The following CRB1 variants were observed in gnomAD, a reference collection of about 807,000 sequenced individuals.
CRB1 encodes the protein crumbs cell polarity complex component 1, also known as protein crumbs homolog 1.
CRB1 carries 83 observed loss-of-function variants against 120.0 expected under a neutral mutation model. The ratio of observed to expected loss-of-function variants is 0.69; its 90% CI spans 0.58 to 0.83. CRB1 has a LOEUF of 0.83. Ranked by LOEUF, CRB1 falls within the 40% of genes least tolerant of loss-of-function variation. The pLI is 0.00. For synonymous variants in CRB1, 625 were observed against 612.5 expected (o/e 1.02, Z -0.30); for missense variants, 1,699 against 1,687.6 (o/e 1.01, Z -0.12).
chr1:197,440,349 A>G (rs1665372810), intron 10 of CRB1: 1 of 152,220 alleles, frequency 6.6e-6, no homozygotes. Context: ...TTAAATTCAG[A>G]TATATTTGAA....
chr1:197,255,996 T>TATATATATATATATATATATACAC, the CRB1 span, among the ~76,000 whole-genome samples: 24 of 116,688 alleles, frequency 2.1e-4, no homozygotes, highest in Non-Finnish European at 2.1e-4. Flanking sequence ...TATATATATA[T>TATATATATATATATATATATACAC]ACACTACAAT....
chr1:197,474,868 A>G (rs1667133348), intron 11 of CRB1, among the ~76,000 whole-genome samples: 1 of 152,146 alleles, frequency 6.6e-6, no homozygotes, highest in Admixed American at 6.5e-5. Context: ...ATTGGATAGT[A>G]CTAAGGTGTT....
intron 1 of CRB1, among the ~76,000 whole-genome samples, chr1:197,301,383 C>G (rs1405068860): frequency 6.6e-6 from 1 of 152,076 alleles, no homozygotes; most frequent in African/African-American, 2.4e-5. Context: ...CCAGGATGGT[C>G]TCAAACTCTT....
intron 5 of CRB1, among the ~76,000 whole-genome samples, chr1:197,414,885 T>C (rs1663895270): frequency 6.6e-6 from 1 of 152,188 alleles, no homozygotes; most frequent in Non-Finnish European, 1.5e-5. Context: ...GTCAATAGAA[T>C]TGATTTTAAG....
chr1:197,423,116 T>G (rs1664418227), intron 6 of CRB1, among the ~76,000 whole-genome samples: 1 of 152,166 alleles, frequency 6.6e-6, no homozygotes, highest in African/African-American at 2.4e-5. Flanking sequence ...GAAGAAAAAT[T>G]TAATTGACCT....
chr1:197,451,662 A>C (rs1015930850), intron 11 of CRB1, among the ~76,000 whole-genome samples: 1 of 152,228 alleles, frequency 6.6e-6, no homozygotes, highest in Non-Finnish European at 1.5e-5. Context: ...GAGCAAACTT[A>C]GAGGTCTACA....
At chr1:197,387,400 T>A (rs1285022872) in intron 5 of CRB1, among the ~76,000 whole-genome samples, 1 of 152,084 alleles carries the variant, frequency 6.6e-6, no homozygotes, top group East Asian at 1.9e-4. Context: ...AGAGGCATGT[T>A]TTCCTCTGCC....
chr1:197,222,546 A>G, the CRB1 span: 2 of 768,250 alleles, frequency 2.6e-6, no homozygotes, highest in Admixed American at 3.4e-5. Flanking sequence ...TGCAAATTCC[A>G]TTCGCTCTTT....
intron 4 of CRB1, among the ~76,000 whole-genome samples, chr1:197,348,313 C>G (rs181594072): frequency 1.7e-4 from 26 of 152,260 alleles, no homozygotes; most frequent in African/African-American, 6.0e-4. Context: ...GAAGACATTT[C>G]AGTGGGACAA....
At chr1:197,469,701 C>T (rs1261824655) in intron 11 of CRB1, among the ~76,000 whole-genome samples, 1 of 152,148 alleles carries the variant, frequency 6.6e-6, no homozygotes, top group African/African-American at 2.4e-5. Flanking sequence ...AAGCTAATGT[C>T]CAGTAGTTCA....
At chr1:197,218,481 C>T in the CRB1 span, among the ~76,000 whole-genome samples, 3 of 152,122 alleles carry the variant, frequency 2.0e-5, no homozygotes, top group Non-Finnish European at 4.4e-5. Flanking sequence ...TTTTCCTGGA[C>T]CAAATAAAAC....
At chr1:197,265,066 C>T (rs1332153079), upstream of CRB1, among the ~76,000 whole-genome samples, 1 of 152,040 alleles carries the variant, frequency 6.6e-6, no homozygotes. Flanking sequence ...TGAATTTTCC[C>T]ACTCATTGTG....
chr1:197,385,524 G>A (rs1348825670), intron 5 of CRB1, among the ~76,000 whole-genome samples: 3 of 151,960 alleles, frequency 2.0e-5, no homozygotes, highest in Non-Finnish European at 4.4e-5. Flanking sequence ...TGACTCCTCA[G>A]GGTGCCAAGT....
At chr1:197,241,024 T>A in the CRB1 span, among the ~76,000 whole-genome samples, 1 of 152,230 alleles carries the variant, frequency 6.6e-6, no homozygotes, top group African/African-American at 2.4e-5. Flanking sequence ...GTTCATATCC[T>A]TCACCCACTT....
chr1:197,452,107 A>G (rs764200246), intron 11 of CRB1, among the ~76,000 whole-genome samples: 1 of 152,210 alleles, frequency 6.6e-6, no homozygotes. Flanking sequence ...TATGTATGAG[A>G]TGAAGAATCT....
chr1:197,300,645 A>T (rs1656810849), intron 1 of CRB1, among the ~76,000 whole-genome samples: 1 of 152,242 alleles, frequency 6.6e-6, no homozygotes, highest in African/African-American at 2.4e-5. Context: ...GTAAAGGTGC[A>T]GCAAGTTATT....
chr1:197,236,926 G>A, the CRB1 span, among the ~76,000 whole-genome samples: 2 of 151,950 alleles, frequency 1.3e-5, no homozygotes, highest in African/African-American at 4.8e-5. Flanking sequence ...AAACTTGCTA[G>A]CATTTTATTG....
chr1:197,222,206 C>A, the CRB1 span: 2 of 466,504 alleles, frequency 4.3e-6, no homozygotes, highest in Non-Finnish European at 8.1e-6. Context: ...CTGCACTGCG[C>A]GGCCGCAGCG....
chr1:197,263,017 T>C, the CRB1 span, among the ~76,000 whole-genome samples: 12 of 152,204 alleles, frequency 7.9e-5, no homozygotes, highest in Non-Finnish European at 1.3e-4. Flanking sequence ...TCTTGTAGAA[T>C]GATTTATTTT....
Sources: gnomAD v4.1 joint callset for allele counts (sites outside exome capture counted in the v4.1 genomes callset) on GRCh38, gnomAD v4.1.1 for gene constraint, MANE v1.5 for transcripts, NCBI Gene and HGNC (gene_info 2026-07-23, HGNC 2026-07-21) for gene names.